Variants in SUGP1 observed in about 807,000 individuals in gnomAD.
SUGP1 encodes the protein SURP and G-patch domain-containing protein 1.
In SUGP1, 34 loss-of-function variants were observed where a neutral mutation model predicts 76.5. The ratio of observed to expected loss-of-function variants is 0.44; its 90% confidence interval spans 0.34 to 0.59. The LOEUF (loss-of-function observed/expected upper bound fraction) is 0.59, where lower values mean the gene tolerates loss of function less well. Ranked by LOEUF, SUGP1 falls within the 20% of genes least tolerant of loss-of-function variation. SUGP1 has a pLI of 0.01. For synonymous variants in SUGP1, 326 were observed against 326.2 expected, an observed-to-expected ratio of 1.00 and a Z score of 0.01; for missense variants, 752 against 851.7, an observed-to-expected ratio of 0.88 and a Z score of 1.46.
Position 19,297,122 on chromosome 19 carries a change from G to A in SUGP1, c.1110C>T (p.Pro370=), listed in dbSNP as rs545601901. 6.9e-5 allele frequency: 111 copies of A among 1,613,730 alleles called. No homozygotes were observed. In the African/African-American group the frequency reaches 7.2e-4, roughly 10 times the overall value. ...CGGTGGCTGCGGAGGCTGGCTTCCC[G>A]GGGGCAGCTGGAGCAGGGATGATAG... The part of the protein sequence containing the change: ...APTIIPAPAA[P]GKPASAATVK... Residue 370 remains proline (P), a synonymous_variant, in exon 8 of 14, where the codon CCC becomes CCT. Transcript: ENST00000247001.
rs749982183 is a variant in SUGP1 at position 19,310,235 on chromosome 19, G to A, written c.207-35C>T. On this transcript the variant is annotated intron_variant, in intron 2 of 13. Coordinates refer to ENST00000247001, the MANE Select transcript of SUGP1 (RefSeq NM_172231.4). ...AGACAGAGGACAGAGAGGGTGAGCT[G>A]GCTAGAGATGGAGTGAGGGCACCAG... 77 of 1,532,572 alleles carry A rather than the reference G, an allele frequency of 5.0e-5. No homozygotes were observed. In the Admixed American group the frequency reaches 1.3e-3, roughly 25 times the overall value. The allele number at this position is 1,532,572 out of a possible 1,614,324, so 94.9% of individuals were successfully genotyped here. A position where few individuals can be genotyped will look rare whatever the true frequency, so the allele number is the denominator to read the frequency against.
At chr19:19,302,491 T>C in intron 6 of SUGP1, 103 bp from the exon 7 acceptor site, 3 of 1,493,696 alleles carry the variant, frequency 2.0e-6, no homozygotes, top group Middle Eastern at 1.8e-4. Context: ...TTAGGAATGA[T>C]GCAAAGAGAA....
chr19:19,288,782 CTCTT>C (rs1351994864), intron 8 of SUGP1, among the ~76,000 whole-genome samples: 1 of 151,944 alleles, frequency 6.6e-6, no homozygotes, highest in Non-Finnish European at 1.5e-5. Flanking sequence ...TTCAGATTTT[CTCTT>C]TTTTTTTCTT....
chr19:19,307,854 G>C (rs562299696), intron 3 of SUGP1, among the ~76,000 whole-genome samples: 2 of 151,930 alleles, frequency 1.3e-5, no homozygotes, highest in Non-Finnish European at 2.9e-5. Context: ...TAGTAGAGAC[G>C]GGGTTTTACC....
At chr19:19,297,733 AGAG>A (rs2061239457) in intron 7 of SUGP1, among the ~76,000 whole-genome samples, 1 of 152,238 alleles carries the variant, frequency 6.6e-6, no homozygotes, top group South Asian at 2.1e-4. Flanking sequence ...GAGACAGGGC[AGAG>A]GGACTTGTCT....
rs540783159 is a variant in SUGP1, at chr19:19,278,363, T to A, written c.1635+327A>T. Among the ~76,000 whole-genome samples the A allele has an allele frequency of 7.2e-5, 11 of 152,320 alleles. No homozygotes were observed. In the East Asian group the frequency reaches 1.3e-3, roughly 19 times the overall value. On this transcript the variant is annotated intron_variant, in intron 11 of 13. Transcript: ENST00000247001. ...GCCCAACAGCAGCAGAGGCAGAATG[T>A]TAAACTCTGGTTCTGGAGAGGCCAG...
chr19:19,308,113 C>T (rs2061329858), intron 3 of SUGP1, among the ~76,000 whole-genome samples: 1 of 152,150 alleles, frequency 6.6e-6, no homozygotes, highest in Admixed American at 6.5e-5. Context: ...ACTGCTACCT[C>T]CGCCTCCCAG....
Position 19,303,377 on chromosome 19 carries a change from GC to G in SUGP1, c.733del (p.Ala245HisfsTer30). On this transcript the variant is annotated frameshift_variant, in exon 6 of 14. Transcript: ENST00000247001. LOFTEE classifies it high-confidence loss of function. ...RKKVAEIRKE[A>X]QKSQAASQKV... ...CTGAGAGGCTGCCTGCGACTTCTGT[GC>G]TTCCTTTCTTATCTCAGCCACCTTC... 6.2e-7 allele frequency: 1 copy of G among 1,614,138 alleles called. No individual in the cohort carries two copies. The highest frequency in any genetic ancestry group is 8.5e-7 in the Non-Finnish European group (1 of 1,180,028).
chr19:19,293,945 G>A (rs1317836725), intron 8 of SUGP1, among the ~76,000 whole-genome samples: 2 of 152,188 alleles, frequency 1.3e-5, no homozygotes, highest in Non-Finnish European at 2.9e-5. Flanking sequence ...AGCACTTTGG[G>A]AGGCCAAGGT....
intron 8 of SUGP1, among the ~76,000 whole-genome samples, chr19:19,292,518 A>T (rs1214382772): frequency 1.3e-5 from 2 of 152,088 alleles, no homozygotes; most frequent in Admixed American, 6.6e-5. Flanking sequence ...CCTGGCCAAC[A>T]TGGTGAAACC....
At chr19:19,298,820 C>T (rs574504869) in intron 7 of SUGP1, among the ~76,000 whole-genome samples, 7 of 152,156 alleles carry the variant, frequency 4.6e-5, no homozygotes, top group South Asian at 2.1e-4. Flanking sequence ...CTTGCTAGGG[C>T]GAGCAGGCAT....
chr19:19,306,231 G>A (rs1418949384), intron 3 of SUGP1, among the ~76,000 whole-genome samples, 155 bp from the exon 4 acceptor site: 4 of 152,206 alleles, frequency 2.6e-5, no homozygotes, highest in Non-Finnish European at 4.4e-5. Context: ...TACAGATGGG[G>A]ACAGTGAGGC....
intron 8 of SUGP1, among the ~76,000 whole-genome samples, chr19:19,291,795 A>C (rs1449573123): frequency 6.6e-6 from 1 of 151,528 alleles, no homozygotes; most frequent in Non-Finnish European, 1.5e-5. Flanking sequence ...CAGGAGGCTG[A>C]GGCAGAAGAA....
At chr19:19,284,369 C>G (rs954439488) in intron 8 of SUGP1, among the ~76,000 whole-genome samples, 1 of 151,954 alleles carries the variant, frequency 6.6e-6, no homozygotes, top group East Asian at 1.9e-4. Flanking sequence ...CAAGAAAAAG[C>G]TGAATTGTTT....
At chr19:19,307,389 A>G (rs2061324849) in intron 3 of SUGP1, among the ~76,000 whole-genome samples, 1 of 152,028 alleles carries the variant, frequency 6.6e-6, no homozygotes, top group Non-Finnish European at 1.5e-5. Context: ...CTAAATGGAA[A>G]GTGTGGAAAT....
In SUGP1 at chr19:19,277,262, G is replaced by GGC. The variant is rs1555787447; in HGVS notation, c.1782-188_1782-187dup. 9.5e-4 allele frequency among the ~76,000 whole-genome samples: 141 copies of GGC among 149,092 alleles called. 4 individuals are homozygous for GGC. The highest frequency in any genetic ancestry group is 2.3e-3 in the African/African-American group (93 of 39,866). On this transcript the variant is annotated intron_variant, in intron 12 of 13. Transcript: ENST00000247001. ...ACCCCCGGGGCGGGCGGGGGGGGGG[G>GGC]GCCTAGGCCCCAGGGTCCCACACAG...
chr19:19,303,291 G>T, intron 6 of SUGP1, 57 bp downstream of exon 6: 3 of 1,467,800 alleles, frequency 2.0e-6, no homozygotes, highest in Non-Finnish European at 2.9e-6. Context: ...ATTCCGCATT[G>T]GGGCACGGTA....
At chr19:19,301,801 A>C (rs529025443) in intron 7 of SUGP1, 29 of 159,308 alleles carry the variant, frequency 1.8e-4, no homozygotes, top group Non-Finnish European at 3.6e-4. Flanking sequence ...CTTCTGTGGA[A>C]CTCGCACACA....
At chr19:19,303,526 C>CA in intron 5 of SUGP1, 78 bp from the exon 6 acceptor site, 2 of 1,435,064 alleles carry the variant, frequency 1.4e-6, no homozygotes, top group Admixed American at 1.8e-5. Flanking sequence ...TTCTATCGTG[C>CA]AAAAAAAGGC....
Sources: gnomAD v4.1 joint callset for allele counts (sites outside exome capture counted in the v4.1 genomes callset) on GRCh38, gnomAD v4.1.1 for gene constraint, MANE v1.5 for transcripts, NCBI Gene and HGNC (gene_info 2026-07-23, HGNC 2026-07-21) for gene names.